Variants in ANKRD27 observed in about 807,000 individuals in gnomAD.
ANKRD27 encodes the protein ankyrin repeat domain-containing protein 27.
A neutral mutation model predicts 129.7 loss-of-function variants in ANKRD27; 112 were observed. The ratio of observed to expected loss-of-function variants is 0.86; its 90% CI spans 0.74 to 1.01. ANKRD27 has a LOEUF of 1.01. ANKRD27 is among the 50% of genes least tolerant of loss of function. The pLI, the probability that ANKRD27 is intolerant of heterozygous loss-of-function variation, is 0.00. For missense variants in ANKRD27, 1,258 were observed against 1,300.5 expected, an observed-to-expected ratio of 0.97 and a Z score of 0.50; for synonymous variants, 516 against 511.2, an observed-to-expected ratio of 1.01 and a Z score of -0.13.
Position 32,607,627 on chromosome 19 carries a change from G to A in ANKRD27, c.2373+8C>T. On this transcript the variant is annotated splice_region_variant and intron_variant, in intron 23 of 28. Transcript: ENST00000306065. ...CCTGCTCCACCACCCCCAACACACA[G>A]CCCGAACCTGAAAGTGGCCCTGCTG... 6.2e-7 allele frequency: 1 copy of A among 1,610,484 alleles called. No individual in the cohort carries two copies. The highest frequency in any genetic ancestry group is 8.5e-7 in the Non-Finnish European group (1 of 1,179,302).
At chr19:32,667,131 C>T (rs1253861988) in intron 1 of ANKRD27, among the ~76,000 whole-genome samples, 5 of 152,218 alleles carry the variant, frequency 3.3e-5, no homozygotes, top group Non-Finnish European at 5.9e-5. Context: ...TCACATGGGA[C>T]CTTTGTGAGA....
chr19:32,661,655 G>A (rs1967648453), intron 1 of ANKRD27, among the ~76,000 whole-genome samples: 1 of 152,088 alleles, frequency 6.6e-6, no homozygotes, highest in South Asian at 2.1e-4. Context: ...AAGTTTTGAT[G>A]TGAATGGACC....
chr19:32,640,164 C>T (rs370593420), intron 11 of ANKRD27, 143 bp downstream of exon 11: 10 of 533,890 alleles, frequency 1.9e-5, no homozygotes, highest in East Asian at 3.9e-5. Flanking sequence ...GGGGTTTCAC[C>T]GTGTTAGCCA....
chr19:32,659,404 G>A (rs1568419361), intron 1 of ANKRD27, among the ~76,000 whole-genome samples: 1 of 152,036 alleles, frequency 6.6e-6, no homozygotes, highest in African/African-American at 2.4e-5. Flanking sequence ...TTTCTAAAGA[G>A]TATCCTCCAA....
At chr19:32,643,264 G>C in intron 8 of ANKRD27, 23 bp downstream of exon 8, 1 of 1,613,978 alleles carries the variant, frequency 6.2e-7, no homozygotes, top group Non-Finnish European at 8.5e-7. Flanking sequence ...TTCCATCTTG[G>C]GTGATAATAA....
rs187801037 is a variant in ANKRD27 at position 32,643,387 on chromosome 19, C to A, written c.640-35G>T. ...CAACAGACCCCATTCAGGGTGTGAG[C>A]GGGCAACAGGGTGTGCCTCCCAGCC... On this transcript the variant is annotated intron_variant, in intron 7 of 28. Transcript: ENST00000306065. The A allele has an allele frequency of 4.2e-4, 679 of 1,613,802 alleles. 10 individuals are homozygous for A. In the East Asian group the frequency reaches 0.012, roughly 30 times the overall value.
chr19:32,667,258 T>C (rs978120016), intron 1 of ANKRD27, among the ~76,000 whole-genome samples: 4 of 152,262 alleles, frequency 2.6e-5, no homozygotes, highest in Non-Finnish European at 5.9e-5. Context: ...GTGAACAACC[T>C]GCCCACAATG....
In ANKRD27 at chr19:32,606,143, TTTTC is replaced by T. The variant is rs1355930848; in HGVS notation, c.2374-193_2374-190del. On this transcript the variant is annotated intron_variant, in intron 23 of 28. Coordinates refer to ENST00000306065, the MANE Select transcript of ANKRD27 (RefSeq NM_032139.3). The stretch of plus-strand genomic sequence containing the variant: ...TTTTTTTGTTGTTGTTCTTTTTGGT[TTTTC>T]TTTCTTTTTTTTTTTTTTTTTTCCA... 1.8e-3 allele frequency among the ~76,000 whole-genome samples: 229 copies of T among 127,226 alleles called. 1 individual carries two copies. The highest frequency in any genetic ancestry group is 6.8e-3 in the African/African-American group (198 of 29,252). 83.5% of individuals were successfully genotyped at this position (127,226 alleles called of 152,430 possible). A position where few individuals can be genotyped will look rare whatever the true frequency, so the allele number is the denominator to read the frequency against.
intron 1 of ANKRD27, among the ~76,000 whole-genome samples, chr19:32,669,865 T>C (rs564726335): frequency 2.0e-5 from 3 of 151,796 alleles, no homozygotes; most frequent in African/African-American, 7.2e-5. Context: ...GGCGTGGTGA[T>C]GGGCACCTGT....
chr19:32,628,259 G>A (rs918665992), intron 14 of ANKRD27, 94 bp from the exon 15 acceptor site: 3 of 1,055,544 alleles, frequency 2.8e-6, no homozygotes, highest in Non-Finnish European at 4.3e-6. Context: ...ACAGACAGAA[G>A]GCGGCTCACA....
In ANKRD27 at chr19:32,622,689, G is replaced by A. The variant is rs563590200; in HGVS notation, c.1630-70C>T. ...CCTCGACAAGGTCCGTGCTCTCCTC[G>A]ACCTCCTCACCAAGCAAATGTGCAG... On this transcript the variant is annotated intron_variant, in intron 17 of 28. Coordinates refer to ENST00000306065, the MANE Select transcript of ANKRD27 (RefSeq NM_032139.3). 46 of 1,469,130 alleles carry A rather than the reference G, an allele frequency of 3.1e-5. No homozygotes were observed. The East Asian group carries it at 4.8e-4, about 15-fold the overall frequency. The allele number at this position is 1,469,130 out of a possible 1,614,324, so 91.0% of individuals were successfully genotyped here.
intron 1 of ANKRD27, among the ~76,000 whole-genome samples, chr19:32,663,826 G>A (rs1967691790): frequency 6.6e-6 from 1 of 152,034 alleles, no homozygotes. Context: ...GGAGGCCGAG[G>A]CGGGCGGATC....
At chr19:32,599,408 T>C (rs761639733) in intron 28 of ANKRD27, among the ~76,000 whole-genome samples, 1 of 152,228 alleles carries the variant, frequency 6.6e-6, no homozygotes, top group Non-Finnish European at 1.5e-5. Context: ...TCTTTGGTGA[T>C]TAAAACCATA....
chr19:32,662,634 C>T (rs1486205812), intron 1 of ANKRD27, among the ~76,000 whole-genome samples: 2 of 152,040 alleles, frequency 1.3e-5, no homozygotes, highest in Non-Finnish European at 2.9e-5. Context: ...CCCAACTACT[C>T]GGGAGGCTGA....
intron 1 of ANKRD27, among the ~76,000 whole-genome samples, chr19:32,671,527 G>A (rs1384016318): frequency 1.3e-5 from 2 of 151,912 alleles, no homozygotes; most frequent in Admixed American, 6.6e-5. Context: ...GTAAAACCCC[G>A]TCTCTACTAA....
chr19:32,644,832 G>T (rs1256872768), intron 4 of ANKRD27, among the ~76,000 whole-genome samples: 1 of 152,184 alleles, frequency 6.6e-6, no homozygotes, highest in Non-Finnish European at 1.5e-5. Context: ...GCTGGGGCTG[G>T]GCGCTATAAG....
intron 1 of ANKRD27, among the ~76,000 whole-genome samples, chr19:32,659,903 C>CA (rs970128791): frequency 4.0e-5 from 6 of 151,532 alleles, no homozygotes; most frequent in East Asian, 3.9e-4. Context: ...AATTTATCTA[C>CA]AAAAAAAACC....
intron 12 of ANKRD27, chr19:32,637,332 T>C (rs557419794): frequency 6.6e-6 from 1 of 152,354 alleles, no homozygotes; most frequent in South Asian, 2.1e-4. Context: ...TATGATCACA[T>C]TTTACTCATT....
intron 18 of ANKRD27, among the ~76,000 whole-genome samples, chr19:32,620,822 G>C (rs957818688): frequency 1.4e-5 from 2 of 147,506 alleles, no homozygotes. Context: ...GGAGGCAGAG[G>C]TTGCAGTAAG....
Sources: allele counts gnomAD v4.1 joint callset (sites outside exome capture counted in the v4.1 genomes callset), GRCh38; gene constraint gnomAD v4.1.1; transcripts MANE v1.5; gene names NCBI Gene and HGNC (gene_info 2026-07-23, HGNC 2026-07-21).